The following RIMS2 variants were observed in gnomAD, a reference collection of about 807,000 sequenced individuals.
The protein encoded by RIMS2 is regulating synaptic membrane exocytosis 2, also known as regulating synaptic membrane exocytosis protein 2.
In RIMS2, 59 loss-of-function variants were observed where a neutral mutation model predicts 174.4. The ratio of observed to expected loss-of-function variants is 0.34; its 90% CI spans 0.27 to 0.42. The LOEUF (loss-of-function observed/expected upper bound fraction) is 0.42. Among genes scored for constraint, RIMS2 ranks in the 10% least tolerant of loss-of-function variants. The pLI, the probability that RIMS2 is intolerant of heterozygous loss-of-function variation, is 1.00. For missense variants in RIMS2, 1,620 were observed against 1,666.3 expected, an observed-to-expected ratio of 0.97 and a Z score of 0.48; for synonymous variants, 606 against 572.5, an observed-to-expected ratio of 1.06 and a Z score of -0.84.
At chr8:104,232,880 T>A (rs1348737420) in intron 19 of RIMS2, among the ~76,000 whole-genome samples, 1 of 150,244 alleles carries the variant, frequency 6.7e-6, no homozygotes, top group Non-Finnish European at 1.5e-5. Flanking sequence ...GGATATGGGA[T>A]ATTTTTCAAA....
chr8:103,652,817 A>C, intron 1 of RIMS2, 107 bp downstream of exon 3: 1 of 604,450 alleles, frequency 1.7e-6, no homozygotes. Flanking sequence ...TCAGAAAGGA[A>C]AATTGTTCGG....
At chr8:103,819,652 T>G in intron 3 of RIMS2, 1 of 1,554,406 alleles carries the variant, frequency 6.4e-7, no homozygotes, top group South Asian at 1.2e-5. Context: ...AAACTATATT[T>G]TCTTTTAATA....
chr8:104,102,319 C>G (rs1289824189), intron 19 of RIMS2, among the ~76,000 whole-genome samples: 1 of 152,138 alleles, frequency 6.6e-6, no homozygotes, highest in Non-Finnish European at 1.5e-5. Context: ...CCTGCTCAAA[C>G]CAGAAACCTG....
intron 1 of RIMS2, among the ~76,000 whole-genome samples, chr8:103,634,857 T>G (rs188993145): frequency 1.7e-4 from 26 of 152,270 alleles, no homozygotes; most frequent in African/African-American, 6.0e-4. Context: ...TTTTTTTCTG[T>G]TTTTCATTTG....
chr8:103,961,261 A>T, intron 15 of RIMS2, 128 bp downstream of exon 17: 2 of 594,520 alleles, frequency 3.4e-6, no homozygotes, highest in Non-Finnish European at 6.0e-6. Context: ...AGCCTATGGC[A>T]ACCTATGACA....
intron 3 of RIMS2, chr8:103,819,465 G>A (rs754952631): frequency 6.2e-7 from 1 of 1,607,236 alleles, no homozygotes; most frequent in Non-Finnish European, 8.5e-7. Flanking sequence ...TTAAAGACAG[G>A]TGGTAGGGAA....
At chr8:103,553,094 G>T (rs183259969) in intron 1 of RIMS2, among the ~76,000 whole-genome samples, 1 of 152,156 alleles carries the variant, frequency 6.6e-6, no homozygotes, top group East Asian at 1.9e-4. Context: ...TCCTATTACT[G>T]GGTATATACC....
chr8:103,506,307 A>G (rs1183989636), intron 1 of RIMS2, among the ~76,000 whole-genome samples: 5 of 152,132 alleles, frequency 3.3e-5, no homozygotes, highest in African/African-American at 9.6e-5. Flanking sequence ...CCTCTTGACA[A>G]TAGATTTTGA....
chr8:103,966,527 G>A (rs1211236495), intron 15 of RIMS2, among the ~76,000 whole-genome samples: 3 of 151,994 alleles, frequency 2.0e-5, no homozygotes, highest in East Asian at 1.9e-4. Context: ...TAATTAGCCT[G>A]TCTAGAGGCT....
chr8:103,671,666 GAATT>G (rs2096745491), intron 1 of RIMS2, among the ~76,000 whole-genome samples: 1 of 152,116 alleles, frequency 6.6e-6, no homozygotes, highest in Non-Finnish European at 1.5e-5. Flanking sequence ...CTGTGGACAA[GAATT>G]AATATGATCA....
At chr8:104,174,443 A>T (rs2098859067) in intron 19 of RIMS2, among the ~76,000 whole-genome samples, 1 of 152,150 alleles carries the variant, frequency 6.6e-6, no homozygotes, top group African/African-American at 2.4e-5. Flanking sequence ...GAGTAATGAC[A>T]ATATATTACC....
rs13439878 is a variant in RIMS2, at chr8:103,810,567, A to G, written c.698+44030A>G. On this transcript the variant is annotated intron_variant, in intron 3 of 23. Coordinates refer to ENST00000504942, the Ensembl canonical transcript of RIMS2. Reference sequence around the variant, plus strand: ...ACCTTTATGTAGATATTTTTTCTTCAGTATTGAACCTAATGTCCTTTAAAA... The same window carrying G: ...ACCTTTATGTAGATATTTTTTCTTCGGTATTGAACCTAATGTCCTTTAAAA... 7.5e-3 allele frequency among the ~76,000 whole-genome samples: 1,116 copies of G among 148,992 alleles called. 11 individuals are homozygous for G. Among genetic ancestry groups the G allele is most frequent in the African/African-American group, 0.025 (1,013 of 40,212 alleles).
chr8:103,789,839 A>G (rs1174711657), intron 3 of RIMS2, among the ~76,000 whole-genome samples: 1 of 146,984 alleles, frequency 6.8e-6, no homozygotes, highest in Non-Finnish European at 1.5e-5. Flanking sequence ...AGCAGCCTCA[A>G]CCTCCCAGGC....
At chr8:103,775,418 C>G (rs2098302988) in intron 3 of RIMS2, among the ~76,000 whole-genome samples, 1 of 151,930 alleles carries the variant, frequency 6.6e-6, no homozygotes, top group South Asian at 2.1e-4. Context: ...ATCTAATAAC[C>G]TGGAAGCAAA....
intron 1 of RIMS2, among the ~76,000 whole-genome samples, chr8:103,634,937 G>A (rs552194819): frequency 3.3e-5 from 5 of 152,134 alleles, no homozygotes; most frequent in African/African-American, 1.2e-4. Context: ...TGGGCCTCTT[G>A]AAGACACCAT....
At chr8:103,894,124 A>G (rs2099263687) in intron 4 of RIMS2, among the ~76,000 whole-genome samples, 1 of 152,060 alleles carries the variant, frequency 6.6e-6, no homozygotes, top group Admixed American at 6.6e-5. Context: ...TTCTTAATGA[A>G]CTTAACCCAA....
chr8:104,196,397 C>T (rs960821684), intron 19 of RIMS2, among the ~76,000 whole-genome samples: 1 of 152,052 alleles, frequency 6.6e-6, no homozygotes, highest in Non-Finnish European at 1.5e-5. Context: ...GCTTTTCTTA[C>T]CAAAAATATA....
intron 19 of RIMS2, among the ~76,000 whole-genome samples, chr8:104,114,810 TATA>T (rs1335301549): frequency 6.6e-6 from 1 of 152,004 alleles, no homozygotes; most frequent in Admixed American, 6.6e-5. Flanking sequence ...ATTCAATTTT[TATA>T]ATCATTTAAG....
intron 19 of RIMS2, among the ~76,000 whole-genome samples, chr8:104,170,487 T>C (rs1010133281): frequency 6.6e-6 from 1 of 152,122 alleles, no homozygotes; most frequent in African/African-American, 2.4e-5. Context: ...ACCTGCTCAC[T>C]TTTGGTTTCC....
Sources: allele counts gnomAD v4.1 joint callset (sites outside exome capture counted in the v4.1 genomes callset), GRCh38; gene constraint gnomAD v4.1.1; transcripts MANE v1.5; gene names NCBI Gene and HGNC (gene_info 2026-07-23, HGNC 2026-07-21).